The following CREBBP variants were observed in gnomAD, a reference collection of about 807,000 sequenced individuals.
The protein encoded by CREBBP is CREB-binding protein.
In CREBBP, 19 loss-of-function variants were observed where a neutral mutation model predicts 265.0. That is an observed-to-expected ratio of 0.07 (90% CI 0.05 to 0.11). CREBBP has a LOEUF of 0.11. Ranked by LOEUF, CREBBP falls within the 10% of genes least tolerant of loss-of-function variation. The pLI, the probability that CREBBP is intolerant of heterozygous loss-of-function variation, is 1.00. For missense variants in CREBBP, 2,525 were observed against 3,219.0 expected, an observed-to-expected ratio of 0.78 and a Z score of 5.22; for synonymous variants, 1,457 against 1,223.7, an observed-to-expected ratio of 1.19 and a Z score of -3.98.
At position 3,729,422 on chromosome 16, in the gene CREBBP, G is replaced by A. The variant is rs2051850332; in HGVS notation, c.5625C>T (p.Arg1875=). ...AAGGCAGACTCTGCTGAGGCACGTTGCGGGTGTTCATGGTGGCCATCCGCC... is the reference window on the plus strand; with the variant it reads ...AAGGCAGACTCTGCTGAGGCACGTTACGGGTGTTCATGGTGGCCATCCGCC... The part of the protein sequence containing the change: ...MRRRMATMNT[R]NVPQQSLPSP... Residue 1875 remains arginine, a synonymous_variant, in exon 31 of 31, where the codon CGC becomes CGT. Coordinates refer to ENST00000262367, the MANE Select transcript of CREBBP (RefSeq NM_004380.3). 1 of 1,613,674 alleles carries A rather than the reference G, an allele frequency of 6.2e-7. No individual in the cohort carries two copies.
intron 11 of CREBBP, among the ~76,000 whole-genome samples, chr16:3,774,934 G>C (rs2053101152): frequency 6.6e-6 from 1 of 152,148 alleles, no homozygotes; most frequent in Admixed American, 6.5e-5. Context: ...GGAAGGACGA[G>C]GACATGAAGG....
Position 3,770,660 on chromosome 16 carries a change from A to G in CREBBP, c.2790T>C (p.Pro930=), listed in dbSNP as rs2141199807. 1 of 1,613,910 alleles carries G rather than the reference A, an allele frequency of 6.2e-7. No individual in the cohort carries two copies. Among genetic ancestry groups the G allele is most frequent in the Non-Finnish European group, 8.5e-7 (1 of 1,179,980 alleles). The change falls in exon 14 of 31, where the codon CCT becomes CCC. Residue 930 remains proline, a synonymous_variant. Transcript: ENST00000262367. The part of the protein sequence containing the change: ...AAAQAQVTPQ[P]QTPVQPPSVA... ...CAGACGGGGGCTGAACTGGGGTTTG[A>G]GGCTGCGGGGTCACCTGGGCCTGGG...
In CREBBP at chr16:3,810,628, G is replaced by A. The variant is rs2053920160; in HGVS notation, c.950C>T (p.Thr317Ile). Reference protein sequence around the residue: ...LPTFPTDIKNTSVTNVPNMSQ... With the variant: ...LPTFPTDIKNISVTNVPNMSQ... The stretch of plus-strand genomic sequence containing the variant: ...CATATTTGGCACGTTGGTGACTGAA[G>A]TATTCTTGATATCTGTAGGGAAGGT... The change falls in exon 3 of 31, where the codon ACT becomes ATT. Residue 317 changes from threonine (T) to isoleucine (I), a missense_variant. Physicochemically the swap from Thr to Ile is moderately conservative, Grantham distance 89. Transcript: ENST00000262367. 10 of 1,613,850 alleles carry A rather than the reference G, an allele frequency of 6.2e-6. No homozygotes were observed. Among genetic ancestry groups the A allele is most frequent in the East Asian group, 2.2e-5 (1 of 44,870 alleles).
chr16:3,813,242 T>G (rs2053971631), intron 2 of CREBBP, among the ~76,000 whole-genome samples: 1 of 152,234 alleles, frequency 6.6e-6, no homozygotes. Context: ...TCTCACCTTT[T>G]GGAAAGCAAT....
At chr16:3,803,807 G>C (rs1299535543) in intron 3 of CREBBP, among the ~76,000 whole-genome samples, 1 of 151,674 alleles carries the variant, frequency 6.6e-6, no homozygotes, top group African/African-American at 2.4e-5. Flanking sequence ...GTGGCCGGGA[G>C]AGGTGGCTCA....
At chr16:3,838,649 G>A (rs2054504596) in intron 2 of CREBBP, among the ~76,000 whole-genome samples, 1 of 152,176 alleles carries the variant, frequency 6.6e-6, no homozygotes, top group Admixed American at 6.5e-5. Flanking sequence ...AAGTATGACT[G>A]GATGATAGGC....
In CREBBP at chr16:3,850,596, C is replaced by A. The variant is rs1242423773; in HGVS notation, c.499G>T (p.Ala167Ser). 3 of 1,614,142 alleles carry A rather than the reference C, an allele frequency of 1.9e-6. No homozygotes were observed. Among genetic ancestry groups the A allele is most frequent in the Non-Finnish European group, 2.5e-6 (3 of 1,180,058 alleles). ...KQVGLATSSP[A>S]TSQTGPGICM... is the part of the protein sequence containing the mutation. ...ATACCAGGTCCAGTCTGTGACGTGG[C>A]AGGGCTGCTAGTCGCCAGCCCCACT... Residue 167 changes from alanine (A) to serine (S), a missense_variant, in exon 2 of 31, where the codon GCC becomes TCC. Around this residue, in one of 19 missense-constraint regions of CREBBP, gnomAD observed 356 missense variants for 340.4 expected, o/e 1.05. Transcript: ENST00000262367.
intron 11 of CREBBP, among the ~76,000 whole-genome samples, chr16:3,776,126 T>C (rs967058923): frequency 6.6e-6 from 1 of 151,986 alleles, no homozygotes; most frequent in Non-Finnish European, 1.5e-5. Context: ...CCATGTTGGC[T>C]AGGCTGGTCT....
In CREBBP at chr16:3,745,293, T is replaced by A. The variant is rs2052315379; in HGVS notation, c.3898A>T (p.Ile1300Phe). ...ACAACTCACCCTGAAGGCCAAATGATGTCATAGTGCAGAACGCAAATCTGA... is the reference window on the plus strand; with the variant it reads ...ACAACTCACCCTGAAGGCCAAATGAAGTCATAGTGCAGAACGCAAATCTGA... ...MHQICVLHYDIIWPSGFVCDN... is the reference protein window; with the variant it reads ...MHQICVLHYDFIWPSGFVCDN... The change falls in exon 22 of 31, where the codon ATC (isoleucine) becomes TTC (phenylalanine). Residue 1300 changes from isoleucine (I) to phenylalanine (F), a missense_variant. Ile to Phe is a conservative substitution (Grantham distance 21). Transcript: ENST00000262367. 4 of 1,613,858 alleles carry A rather than the reference T, an allele frequency of 2.5e-6. No homozygotes were observed. The Admixed American group carries it at 6.7e-5, about 27-fold the overall frequency.
intron 28 of CREBBP, among the ~76,000 whole-genome samples, chr16:3,732,549 C>G (rs2051945188): frequency 6.6e-6 from 1 of 152,180 alleles, no homozygotes; most frequent in African/African-American, 2.4e-5. Flanking sequence ...CACTCACTTA[C>G]ACTTTAACAG....
intron 2 of CREBBP, among the ~76,000 whole-genome samples, chr16:3,814,956 T>C (rs1041385550): frequency 6.6e-6 from 1 of 152,190 alleles, no homozygotes; most frequent in Non-Finnish European, 1.5e-5. Flanking sequence ...TCACTGCTCA[T>C]TGCCCAGGCA....
intron 1 of CREBBP, among the ~76,000 whole-genome samples, chr16:3,867,549 A>G: frequency 6.6e-6 from 1 of 152,186 alleles, no homozygotes; most frequent in South Asian, 2.1e-4. Context: ...AGAAAACATT[A>G]AAATTGTTTT....
chr16:3,863,093 G>T (rs919772940), intron 1 of CREBBP, among the ~76,000 whole-genome samples: 2 of 152,190 alleles, frequency 1.3e-5, no homozygotes, highest in African/African-American at 4.8e-5. Context: ...ACTGTAATGT[G>T]AATCAGAAGG....
At chr16:3,865,303 A>G (rs373691758) in intron 1 of CREBBP, among the ~76,000 whole-genome samples, 3 of 152,236 alleles carry the variant, frequency 2.0e-5, no homozygotes, top group East Asian at 3.8e-4. Flanking sequence ...AGAAGACAAG[A>G]CTGGAAATAA....
At chr16:3,806,844 C>T (rs1286724085) in intron 3 of CREBBP, among the ~76,000 whole-genome samples, 2 of 152,106 alleles carry the variant, frequency 1.3e-5, no homozygotes, top group Non-Finnish European at 2.9e-5. Context: ...GGTGGCCTTT[C>T]TGGACTTCTA....
intron 2 of CREBBP, among the ~76,000 whole-genome samples, chr16:3,847,130 T>C (rs1351684229): frequency 6.6e-6 from 1 of 152,056 alleles, no homozygotes; most frequent in Non-Finnish European, 1.5e-5. Context: ...TGGAATACTT[T>C]GCTATCAGTA....
rs567425231 is a variant in CREBBP, at chr16:3,819,628, C to T, written c.799-8849G>A. Among the ~76,000 whole-genome samples the T allele has an allele frequency of 4.5e-4, 69 of 152,252 alleles. 1 individual carries two copies. The South Asian group carries it at 0.013, about 30-fold the overall frequency. On this transcript the variant is annotated intron_variant, in intron 2 of 30. Coordinates refer to ENST00000262367, the MANE Select transcript of CREBBP (RefSeq NM_004380.3). ...TGACAACAACAATCTTGTGCATTTG[C>T]TATTTGTAGAAATACTCTGAAAAGG... is the stretch of plus-strand genomic sequence containing the variant.
chr16:3,764,964 T>TG (rs201468953), intron 16 of CREBBP, among the ~76,000 whole-genome samples: 3,791 of 152,084 alleles, frequency 0.025, 161 homozygotes, highest in African/African-American at 0.087. Flanking sequence ...TGGTTTTTTT[T>TG]TTTGTTTTGT....
In CREBBP at chr16:3,725,700, G is replaced by C; in HGVS notation, c.*2018C>G. 8.6e-6 allele frequency: 2 copies of C among 233,328 alleles called. 1 individual carries two copies. The highest frequency in any genetic ancestry group is 1.7e-5 in the Non-Finnish European group (2 of 118,060). The allele number at this position is 233,328 out of a possible 1,614,324, so 14.5% of individuals were successfully genotyped here. ...GGTTCAAAGCTCTGTGCTAAAACTA[G>C]ATCGGACCTTTCCAACTTCTTAGAA... On this transcript the variant is annotated 3_prime_UTR_variant, in exon 31 of 31. Transcript: ENST00000262367.
Sources: allele counts gnomAD v4.1 joint callset (sites outside exome capture counted in the v4.1 genomes callset), GRCh38; gene constraint gnomAD v4.1.1; regional missense constraint gnomAD v4.1.1; transcripts MANE v1.5; gene names NCBI Gene and HGNC (gene_info 2026-07-23, HGNC 2026-07-21).